The following ATP8A2 variants were observed in gnomAD, a reference collection of about 807,000 sequenced individuals.
ATP8A2 encodes the protein ATPase phospholipid transporting 8A2, also known as phospholipid-transporting ATPase IB.
ATP8A2 carries 100 observed loss-of-function variants against 165.6 expected under a neutral mutation model. That is an observed-to-expected ratio of 0.60 (90% CI 0.51 to 0.71). The LOEUF (loss-of-function observed/expected upper bound fraction) is 0.71, where lower values mean the gene tolerates loss of function less well. Among genes scored for constraint, ATP8A2 ranks in the 30% least tolerant of loss-of-function variants. The pLI, the probability that ATP8A2 is intolerant of heterozygous loss-of-function variation, is 0.00. For missense variants in ATP8A2, 1,227 were observed against 1,479.5 expected, an observed-to-expected ratio of 0.83 and a Z score of 2.80; for synonymous variants, 543 against 548.8, an observed-to-expected ratio of 0.99 and a Z score of 0.15.
chr13:25,836,099 A>C (rs1263217778), intron 28 of ATP8A2, among the ~76,000 whole-genome samples: 1 of 152,198 alleles, frequency 6.6e-6, no homozygotes, highest in East Asian at 1.9e-4. Context: ...CTTCTGTATC[A>C]TGCTGCCTCA....
chr13:25,461,353 C>T (rs887487822), intron 1 of ATP8A2, among the ~76,000 whole-genome samples: 9 of 152,170 alleles, frequency 5.9e-5, no homozygotes, highest in Non-Finnish European at 1.5e-5. Context: ...AAATAATCAG[C>T]CCAGTGCTTC....
chr13:25,718,398 C>T (rs899126666), intron 25 of ATP8A2, among the ~76,000 whole-genome samples: 5 of 151,638 alleles, frequency 3.3e-5, no homozygotes, highest in Admixed American at 2.0e-4. Context: ...TTTTTTTTCC[C>T]GTTTTATTGC....
chr13:25,960,460 C>T (rs1398088480), intron 33 of ATP8A2, among the ~76,000 whole-genome samples: 1 of 152,058 alleles, frequency 6.6e-6, no homozygotes, highest in South Asian at 2.1e-4. Context: ...AAGTCTCACT[C>T]TCCTTTGCAG....
intron 24 of ATP8A2, among the ~76,000 whole-genome samples, chr13:25,681,699 A>G (rs1306454639): frequency 6.6e-6 from 1 of 152,194 alleles, no homozygotes; most frequent in African/African-American, 2.4e-5. Context: ...ATGAGTATTT[A>G]ATTTTTCTCT....
In ATP8A2 at chr13:25,953,238, C is replaced by G. The variant is rs554859633; in HGVS notation, c.3184-8337C>G. Among the ~76,000 whole-genome samples the G allele has an allele frequency of 8.5e-5, 13 of 152,050 alleles. No homozygotes were observed. The highest frequency in any genetic ancestry group is 1.8e-4 in the Non-Finnish European group (12 of 68,016). On this transcript the variant is annotated intron_variant, in intron 33 of 36. Coordinates refer to ENST00000381655, the MANE Select transcript of ATP8A2 (RefSeq NM_016529.6). This position sits in a 1 kb window ranked among gnomAD's most constrained non-coding sequence, Gnocchi z 6.7. ...TTTTACTTACAATTTGAAGTTGGCACTGGTGTTGCTGGGCCAACCAGCATC... is the reference window on the plus strand; with the variant it reads ...TTTTACTTACAATTTGAAGTTGGCAGTGGTGTTGCTGGGCCAACCAGCATC...
intron 24 of ATP8A2, among the ~76,000 whole-genome samples, chr13:25,613,474 T>C (rs2040742357): frequency 6.6e-6 from 1 of 152,124 alleles, no homozygotes; most frequent in South Asian, 2.1e-4. Flanking sequence ...CTTGGGAGGC[T>C]GAGGCAGGAG....
At chr13:25,846,743 T>C (rs1056538997) in intron 30 of ATP8A2, among the ~76,000 whole-genome samples, 5 of 152,206 alleles carry the variant, frequency 3.3e-5, no homozygotes, top group African/African-American at 9.6e-5. Flanking sequence ...GTCCTGTTCC[T>C]GGGCTGTTGC....
intron 35 of ATP8A2, among the ~76,000 whole-genome samples, chr13:25,979,402 G>A (rs182423316): frequency 1.3e-5 from 2 of 152,288 alleles, no homozygotes; most frequent in Non-Finnish European, 2.9e-5. Context: ...ACCAGGACAC[G>A]TGAATGACTG....
intron 2 of ATP8A2, among the ~76,000 whole-genome samples, chr13:25,528,443 G>C (rs778858712): frequency 6.6e-5 from 10 of 152,184 alleles, no homozygotes; most frequent in African/African-American, 1.2e-4. Context: ...TGGCAGATGG[G>C]ACTATTGGCA....
chr13:25,567,446 C>T (rs188609305), intron 16 of ATP8A2: 70 of 454,474 alleles, frequency 1.5e-4, no homozygotes, highest in Admixed American at 8.5e-4. Flanking sequence ...ATCGTCTGCC[C>T]TCCTGAGCCA....
chr13:25,389,998 G>A (rs1310991107), intron 1 of ATP8A2, among the ~76,000 whole-genome samples: 1 of 152,080 alleles, frequency 6.6e-6, no homozygotes, highest in African/African-American at 2.4e-5. Flanking sequence ...GTTTTGTTTT[G>A]TTTTGTTTTG....
At chr13:25,994,060 C>G (rs577623920) in intron 35 of ATP8A2, among the ~76,000 whole-genome samples, 17 of 152,202 alleles carry the variant, frequency 1.1e-4, no homozygotes, top group Non-Finnish European at 2.1e-4. Context: ...ATGTTTTGCT[C>G]TGTTTGCGCC....
At chr13:25,615,838 G>A (rs758133206) in intron 24 of ATP8A2, among the ~76,000 whole-genome samples, 1 of 152,098 alleles carries the variant, frequency 6.6e-6, no homozygotes, top group Non-Finnish European at 1.5e-5. Flanking sequence ...GTGGTTCAGG[G>A]GCAGACAGTT....
At chr13:25,528,228 C>T (rs189504461) in intron 2 of ATP8A2, among the ~76,000 whole-genome samples, 44 of 152,322 alleles carry the variant, frequency 2.9e-4, no homozygotes, top group African/African-American at 9.9e-4. Flanking sequence ...CAGCAAATTT[C>T]TAGCTAATTC....
intron 2 of ATP8A2, among the ~76,000 whole-genome samples, chr13:25,518,616 G>A (rs994904132): frequency 2.0e-5 from 3 of 152,036 alleles, no homozygotes; most frequent in Non-Finnish European, 4.4e-5. Flanking sequence ...CTTTTAAATC[G>A]GTCTCTGGAG....
At chr13:25,401,181 T>C (rs146317946) in intron 1 of ATP8A2, among the ~76,000 whole-genome samples, 1 of 152,190 alleles carries the variant, frequency 6.6e-6, no homozygotes, top group African/African-American at 2.4e-5. Flanking sequence ...TCAGTAAAAT[T>C]TGAATACATT....
At chr13:25,741,916 A>G (rs117118256) in intron 25 of ATP8A2, among the ~76,000 whole-genome samples, 2,331 of 152,302 alleles carry the variant, frequency 0.015, 26 homozygotes, top group Middle Eastern at 0.031. Context: ...TCCCTTTGAC[A>G]TCTTCGTTGT....
intron 28 of ATP8A2, among the ~76,000 whole-genome samples, chr13:25,830,716 T>A (rs1346910578): frequency 6.6e-6 from 1 of 152,226 alleles, no homozygotes; most frequent in Non-Finnish European, 1.5e-5. Flanking sequence ...AATTAGCATT[T>A]CCACCAATTG....
At chr13:25,644,722 A>G (rs898519926) in intron 24 of ATP8A2, among the ~76,000 whole-genome samples, 2 of 151,936 alleles carry the variant, frequency 1.3e-5, no homozygotes, top group Non-Finnish European at 1.5e-5. Context: ...TACTGATTCA[A>G]TCTCCTCACT....
Sources: gnomAD v4.1 joint callset for allele counts (sites outside exome capture counted in the v4.1 genomes callset) on GRCh38, gnomAD v4.1.1 for gene constraint, Gnocchi (gnomAD v3.1) non-coding constraint, MANE v1.5 for transcripts, NCBI Gene and HGNC (gene_info 2026-07-23, HGNC 2026-07-21) for gene names.